The following TTC28 variants were observed in gnomAD, a reference collection of about 807,000 sequenced individuals.
The protein encoded by TTC28 is tetratricopeptide repeat protein 28.
In TTC28, 61 loss-of-function variants were observed where a neutral mutation model predicts 198.0. The ratio of observed to expected loss-of-function variants is 0.31; its 90% CI spans 0.25 to 0.38. The LOEUF (loss-of-function observed/expected upper bound fraction) is 0.38. Among genes scored for constraint, TTC28 ranks in the 10% least tolerant of loss-of-function variants. TTC28 has a pLI of 1.00. For synonymous variants in TTC28, 1,171 were observed against 1,297.8 expected, an observed-to-expected ratio of 0.90 and a Z score of 2.10; for missense variants, 2,678 against 3,164.0, an observed-to-expected ratio of 0.85 and a Z score of 3.69.
chr22:28,177,241 G>A (rs1923245815), intron 5 of TTC28, among the ~76,000 whole-genome samples: 1 of 152,154 alleles, frequency 6.6e-6, no homozygotes, highest in Admixed American at 6.5e-5. Context: ...TGGCAAGGAA[G>A]TATACGGAAA....
chr22:28,256,331 G>C (rs533536452), intron 5 of TTC28, among the ~76,000 whole-genome samples: 1 of 150,278 alleles, frequency 6.7e-6, no homozygotes, highest in Non-Finnish European at 1.5e-5. Context: ...TGAGACAGGA[G>C]AATTGCTTGA....
intron 13 of TTC28, chr22:28,029,219 G>T: frequency 2.4e-6 from 1 of 421,200 alleles, no homozygotes; most frequent in Middle Eastern, 3.6e-4. Context: ...CAACCAGGCT[G>T]CCAGCTCCTA....
At chr22:28,334,910 T>C (rs1366034284) in intron 2 of TTC28, among the ~76,000 whole-genome samples, 5 of 152,206 alleles carry the variant, frequency 3.3e-5, no homozygotes, top group African/African-American at 1.2e-4. Context: ...TTTGGTGTTT[T>C]AGACATGAAG....
intron 6 of TTC28, among the ~76,000 whole-genome samples, chr22:28,113,872 T>C (rs888008149): frequency 2.6e-5 from 4 of 152,224 alleles, no homozygotes; most frequent in East Asian, 3.8e-4. Context: ...ACATAAAACT[T>C]TGCACTGCAT....
chr22:28,587,476 T>A (rs1601595788), intron 2 of TTC28, among the ~76,000 whole-genome samples: 1 of 152,184 alleles, frequency 6.6e-6, no homozygotes, highest in East Asian at 1.9e-4. Context: ...AATTCTGAAC[T>A]CTAAAAGAAT....
chr22:28,655,350 C>T (rs2051628268), intron 1 of TTC28, among the ~76,000 whole-genome samples: 1 of 152,138 alleles, frequency 6.6e-6, no homozygotes, highest in Non-Finnish European at 1.5e-5. Flanking sequence ...ACCCAATAAA[C>T]ATGCCTTTTA....
chr22:28,283,270 A>G (rs1459771196), intron 5 of TTC28, among the ~76,000 whole-genome samples: 1 of 151,618 alleles, frequency 6.6e-6, no homozygotes, highest in Non-Finnish European at 1.5e-5. Flanking sequence ...CTTTTAACCC[A>G]CTCTCCTGTA....
chr22:28,165,831 T>C (rs1187376239), intron 5 of TTC28, among the ~76,000 whole-genome samples: 2 of 152,138 alleles, frequency 1.3e-5, no homozygotes, highest in Admixed American at 6.5e-5. Flanking sequence ...CATAACAATA[T>C]GAACCTTAAA....
chr22:28,336,180 G>C (rs2045714057), intron 2 of TTC28, among the ~76,000 whole-genome samples: 1 of 152,162 alleles, frequency 6.6e-6, no homozygotes, highest in South Asian at 2.1e-4. Context: ...TGCATCCCAG[G>C]GATGAAGCCT....
At chr22:28,663,549 A>T (rs1334844941) in intron 1 of TTC28, among the ~76,000 whole-genome samples, 6 of 130,150 alleles carry the variant, frequency 4.6e-5, no homozygotes, top group African/African-American at 1.5e-4. Flanking sequence ...CGCACCTGGA[A>T]AATCGGGTCA....
At chr22:28,579,318 T>C (rs1004533824) in intron 2 of TTC28, among the ~76,000 whole-genome samples, 1 of 149,686 alleles carries the variant, frequency 6.7e-6, no homozygotes, top group Non-Finnish European at 1.5e-5. Context: ...CATGTATGTA[T>C]ATAGCTATTC....
chr22:28,138,807 G>A (rs1420961404), intron 6 of TTC28, among the ~76,000 whole-genome samples: 2 of 152,166 alleles, frequency 1.3e-5, no homozygotes, highest in Non-Finnish European at 2.9e-5. Flanking sequence ...CAATGTGTAG[G>A]AAAGATCTGA....
chr22:28,255,008 T>TA (rs927584312), intron 5 of TTC28, among the ~76,000 whole-genome samples: 19 of 152,264 alleles, frequency 1.2e-4, no homozygotes, highest in African/African-American at 4.6e-4. Flanking sequence ...AGTCTGAATT[T>TA]ATATACCACA....
chr22:28,471,543 T>C (rs2048096458), intron 2 of TTC28, among the ~76,000 whole-genome samples: 1 of 152,108 alleles, frequency 6.6e-6, no homozygotes, highest in Non-Finnish European at 1.5e-5. Flanking sequence ...AACTAAAGTA[T>C]CATTTATCAC....
At chr22:28,519,174 T>G (rs891008259) in intron 2 of TTC28, among the ~76,000 whole-genome samples, 6 of 152,150 alleles carry the variant, frequency 3.9e-5, no homozygotes, top group African/African-American at 1.4e-4. Context: ...AGAAGATGAC[T>G]GAAAATTTTT....
chr22:28,320,856 T>G (rs530050406), intron 2 of TTC28, among the ~76,000 whole-genome samples: 6 of 152,332 alleles, frequency 3.9e-5, no homozygotes, highest in African/African-American at 1.2e-4. Context: ...GCATGTGCTT[T>G]CAGCATACAA....
intron 5 of TTC28, among the ~76,000 whole-genome samples, chr22:28,225,398 GAAGA>G (rs1928249574): frequency 6.9e-6 from 1 of 144,368 alleles, no homozygotes; most frequent in African/African-American, 2.6e-5. Flanking sequence ...AGAAGAAGAA[GAAGA>G]AAGAAGAAGA....
intron 14 of TTC28, chr22:28,008,170 G>A (rs1010089766): frequency 1.3e-5 from 2 of 152,158 alleles, no homozygotes; most frequent in African/African-American, 4.8e-5. Flanking sequence ...AGGAGAGGCC[G>A]ACTTATCCTG....
At chr22:28,571,773 A>G (rs1488952439) in intron 2 of TTC28, among the ~76,000 whole-genome samples, 2 of 151,698 alleles carry the variant, frequency 1.3e-5, no homozygotes, top group East Asian at 3.9e-4. Flanking sequence ...ACATGGTGAA[A>G]CCCCATCTCC....
Sources: allele counts gnomAD v4.1 joint callset (sites outside exome capture counted in the v4.1 genomes callset), GRCh38; gene constraint gnomAD v4.1.1; transcripts MANE v1.5; gene names NCBI Gene and HGNC (gene_info 2026-07-23, HGNC 2026-07-21).